The following TENM2 variants were observed in gnomAD, a reference collection of about 807,000 sequenced individuals.
TENM2 encodes teneurin-2.
In TENM2, 52 loss-of-function variants were observed where a neutral mutation model predicts 245.2. That is an observed-to-expected ratio of 0.21 (90% CI 0.17 to 0.27). TENM2 has a LOEUF of 0.27. Among genes scored for constraint, TENM2 ranks in the 10% least tolerant of loss-of-function variants. The pLI is 1.00. For synonymous variants in TENM2, 1,363 were observed against 1,438.9 expected (o/e 0.95, Z 1.19); for missense variants, 3,046 against 3,666.8 (o/e 0.83, Z 4.37).
At chr5:166,992,031 G>T in the TENM2 span, among the ~76,000 whole-genome samples, 1 of 150,136 alleles carries the variant, frequency 6.7e-6, no homozygotes, top group Non-Finnish European at 1.5e-5. Flanking sequence ...AAGAGAAATG[G>T]TGAAATAAAT....
the TENM2 span, among the ~76,000 whole-genome samples, chr5:167,181,421 C>T: frequency 7.2e-6 from 1 of 138,758 alleles, no homozygotes; most frequent in Admixed American, 7.2e-5. Flanking sequence ...CAAAATTCTT[C>T]TTTTCTCAGT....
At position 167,516,748 on chromosome 5, in the gene TENM2, C is replaced by G. The variant is rs372818762; in HGVS notation, c.502+141275C>G. Among the ~76,000 whole-genome samples, 9 of 152,298 alleles carry G rather than the reference C, an allele frequency of 5.9e-5. No homozygotes were observed. The East Asian group carries it at 1.5e-3, about 26-fold the overall frequency. On this transcript the variant is annotated intron_variant, in intron 2 of 28. Coordinates refer to ENST00000518659, the Ensembl canonical transcript of TENM2. The stretch of plus-strand genomic sequence containing the variant: ...AAGACTACTTTCAGGGTTTTCGCAT[C>G]ATATTCAAGAGGCCAGTCAGAGTTC...
chr5:168,046,450 G>A (rs538941976), intron 5 of TENM2, among the ~76,000 whole-genome samples: 1 of 152,282 alleles, frequency 6.6e-6, no homozygotes, highest in East Asian at 1.9e-4. Flanking sequence ...CTTAGATAAG[G>A]GCTTTGAAAG....
intron 1 of TENM2, among the ~76,000 whole-genome samples, chr5:167,316,062 C>A (rs549685434): frequency 1.3e-5 from 2 of 152,280 alleles, no homozygotes; most frequent in African/African-American, 4.8e-5. Flanking sequence ...ATATAAAGTT[C>A]TGTGTACCCC....
intron 2 of TENM2, among the ~76,000 whole-genome samples, chr5:167,406,255 G>A (rs1254084159): frequency 6.6e-6 from 1 of 152,094 alleles, no homozygotes; most frequent in Non-Finnish European, 1.5e-5. Flanking sequence ...TTAATGATGG[G>A]TTTGCTTTAG....
At chr5:167,533,617 T>A (rs1046440955) in intron 2 of TENM2, among the ~76,000 whole-genome samples, 1 of 152,050 alleles carries the variant, frequency 6.6e-6, no homozygotes, top group African/African-American at 2.4e-5. Context: ...TCACCACGCT[T>A]GGCTAACTTT....
the TENM2 span, among the ~76,000 whole-genome samples, chr5:167,034,620 A>G: frequency 8.8e-6 from 1 of 113,982 alleles, no homozygotes. Context: ...ACAGAGCGAG[A>G]CTCCGTCTCA....
intron 2 of TENM2, among the ~76,000 whole-genome samples, chr5:167,534,361 C>T (rs1051613560): frequency 7.2e-5 from 11 of 152,178 alleles, no homozygotes; most frequent in Admixed American, 2.0e-4. Flanking sequence ...CTTTAATGGA[C>T]TGCAAAAACA....
At chr5:167,994,999 G>T (rs372177412) in intron 5 of TENM2, among the ~76,000 whole-genome samples, 1 of 152,188 alleles carries the variant, frequency 6.6e-6, no homozygotes, top group Non-Finnish European at 1.5e-5. Flanking sequence ...ATTTGGTTTT[G>T]TGTCAGAAAC....
At chr5:168,093,429 T>C (rs1050169931) in intron 8 of TENM2, among the ~76,000 whole-genome samples, 3 of 152,284 alleles carry the variant, frequency 2.0e-5, no homozygotes, top group African/African-American at 7.2e-5. Flanking sequence ...AAAAGAACAG[T>C]GTTTTATTTG....
At chr5:167,583,433 A>G (rs1185500570) in intron 2 of TENM2, among the ~76,000 whole-genome samples, 1 of 149,784 alleles carries the variant, frequency 6.7e-6, no homozygotes, top group East Asian at 2.0e-4. Context: ...AGGAGGTGAT[A>G]GGGGCCTGTG....
At chr5:167,645,305 A>G (rs1364087447) in intron 2 of TENM2, among the ~76,000 whole-genome samples, 1 of 152,152 alleles carries the variant, frequency 6.6e-6, no homozygotes, top group Non-Finnish European at 1.5e-5. Flanking sequence ...TGACCGGGTG[A>G]AGGAGGAATC....
intron 13 of TENM2, among the ~76,000 whole-genome samples, chr5:168,176,729 G>A (rs1442029541): frequency 6.6e-6 from 1 of 152,114 alleles, no homozygotes; most frequent in Non-Finnish European, 1.5e-5. Context: ...ATTGTTACAC[G>A]AATTGAATGA....
At chr5:167,471,138 A>G (rs1238528823) in intron 2 of TENM2, among the ~76,000 whole-genome samples, 2 of 152,192 alleles carry the variant, frequency 1.3e-5, no homozygotes, top group African/African-American at 4.8e-5. Context: ...CAAGTAATCT[A>G]TATTATGAAG....
the TENM2 span, among the ~76,000 whole-genome samples, chr5:167,245,975 C>T: frequency 2.6e-5 from 4 of 152,146 alleles, no homozygotes; most frequent in Admixed American, 1.3e-4. Context: ...AAAATGACAG[C>T]CTCCATGCCA....
chr5:167,670,743 A>G (rs1039551502), intron 2 of TENM2, among the ~76,000 whole-genome samples: 5 of 151,962 alleles, frequency 3.3e-5, no homozygotes, highest in African/African-American at 9.7e-5. Context: ...AGATTTTCCT[A>G]TGTCAGTGCC....
Position 168,248,294 on chromosome 5 carries a change from C to T in TENM2, c.7355C>T (p.Pro2452Leu), listed in dbSNP as rs577099556. The T allele has an allele frequency of 1.7e-5, 27 of 1,614,024 alleles. No homozygotes were observed. The highest frequency in any genetic ancestry group is 1.6e-4 in the Middle Eastern group (1 of 6,062). ...ATGTGGAAAAACGTGGGCAAGGAGC[C>T]GGCCCCCTTTAACCTGTATATGTTC... is the stretch of plus-strand genomic sequence containing the variant. Residue 2452 changes from proline to leucine, a missense_variant, in exon 27 of 29, where the codon CCG (proline) becomes CTG (leucine). Pro to Leu is a moderately conservative substitution (Grantham distance 98). This residue lies in a region of TENM2 where 2,704 missense variants were observed against 3,331.9 expected (regional missense o/e 0.81). Coordinates refer to ENST00000518659, the Ensembl canonical transcript of TENM2.
chr5:167,514,628 G>A (rs1770194948), intron 2 of TENM2, among the ~76,000 whole-genome samples: 1 of 152,218 alleles, frequency 6.6e-6, no homozygotes, highest in Admixed American at 6.5e-5. Context: ...AGCTTCCCAA[G>A]TGCTTCTTGG....
chr5:167,437,803 G>A (rs1403351493), intron 2 of TENM2, among the ~76,000 whole-genome samples: 4 of 152,086 alleles, frequency 2.6e-5, no homozygotes, highest in Admixed American at 6.6e-5. Context: ...ATTCTCTCTT[G>A]CCTGCTGTGA....
Sources: gnomAD v4.1 joint callset for allele counts (sites outside exome capture counted in the v4.1 genomes callset) on GRCh38, gnomAD v4.1.1 for gene constraint, gnomAD v4.1.1 regional missense constraint, MANE v1.5 for transcripts, NCBI Gene and HGNC (gene_info 2026-07-23, HGNC 2026-07-21) for gene names.